ITGAL: variants seen among roughly 807,000 people sequenced by gnomAD.
ITGAL encodes integrin subunit alpha L, also known as integrin alpha-L.
A neutral mutation model predicts 138.4 loss-of-function variants in ITGAL; 68 were observed. The observed-to-expected ratio is 0.49, with a 90% CI of 0.40 to 0.60. The LOEUF is 0.60. Ranked by LOEUF, ITGAL falls within the 20% of genes least tolerant of loss-of-function variation. ITGAL has a pLI of 0.00. For synonymous variants in ITGAL, 561 were observed against 584.3 expected (o/e 0.96, Z 0.57); for missense variants, 1,256 against 1,478.6 (o/e 0.85, Z 2.47).
chr16:30,494,846 G>T lies in ITGAL; in HGVS notation c.1499G>T (p.Arg500Ile). 2 of 1,595,510 alleles carry T rather than the reference G, an allele frequency of 1.3e-6. No individual in the cohort carries two copies. Among genetic ancestry groups the T allele is most frequent in the African/African-American group, 1.3e-5 (1 of 74,654 alleles). The change falls in exon 13 of 31, where the codon AGA becomes ATA. Residue 500 changes from arginine (R) to isoleucine (I), a missense_variant. Transcript: ENST00000356798. This position sits in a 1 kb window ranked among gnomAD's most constrained non-coding sequence, Gnocchi z 4.2. ...GGCCGGGTGTTTATCTACCAGAGAA[G>T]ACAGGTGGGGCCAGGATCTGGAGCT... ...RGGRVFIYQR[R>I]QLGFEEVSEL...
chr16:30,518,016 C>G, intron 28 of ITGAL, 121 bp downstream of exon 28: 1 of 747,630 alleles, frequency 1.3e-6, no homozygotes, highest in Non-Finnish European at 2.4e-6. Flanking sequence ...GATGAAAAAT[C>G]CCATTTACAC....
rs2050777928 is a variant in ITGAL, at chr16:30,494,861, G to GTC, written c.1503+11_1503+12insTC. The GTC allele has an allele frequency of 6.3e-7, 1 of 1,579,618 alleles. No homozygotes were observed. Among genetic ancestry groups the GTC allele is most frequent in the Non-Finnish European group, 8.6e-7 (1 of 1,157,380 alleles). On this transcript the variant is annotated intron_variant, in intron 13 of 30. Transcript: ENST00000356798. This position sits in a 1 kb window ranked among gnomAD's most constrained non-coding sequence, Gnocchi z 4.2. ...TACCAGAGAAGACAGGTGGGGCCAG[G>GTC]ATCTGGAGCTGAGAGGGAGGAGGGA...
At chr16:30,478,626 A>G (rs1173221422) in intron 4 of ITGAL, among the ~76,000 whole-genome samples, 3 of 142,160 alleles carry the variant, frequency 2.1e-5, no homozygotes, top group African/African-American at 7.9e-5. Flanking sequence ...TGAACCCGGG[A>G]GGCGAAGCTT....
At chr16:30,481,139 TAA>T (rs1254150241) in intron 6 of ITGAL, 18 of 223,926 alleles carry the variant, frequency 8.0e-5, no homozygotes, top group Non-Finnish European at 1.1e-4. Context: ...CCGTCTCTAC[TAA>T]AAACACACAC....
At chr16:30,483,730 C>T (rs891908802) in intron 7 of ITGAL, 97 bp from the exon 8 acceptor site, 15 of 1,354,934 alleles carry the variant, frequency 1.1e-5, no homozygotes, top group African/African-American at 7.3e-5. Context: ...AGGGCTTTTG[C>T]GTAACCAGCA....
intron 9 of ITGAL, chr16:30,488,823 GC>G (rs1371343840): frequency 6.3e-6 from 3 of 472,970 alleles, no homozygotes; most frequent in African/African-American, 5.9e-5. Flanking sequence ...GCTGCAGTGA[GC>G]TGTGATTGCG....
chr16:30,517,721 C>A lies in ITGAL; in HGVS notation c.3033+16C>A, dbSNP rs200568405. The A allele has an allele frequency of 1.2e-6, 2 of 1,613,610 alleles. No individual in the cohort carries two copies. The highest frequency in any genetic ancestry group is 1.7e-6 in the Non-Finnish European group (2 of 1,179,606). On this transcript the variant is annotated intron_variant, in intron 27 of 30. Coordinates refer to ENST00000356798, the MANE Select transcript of ITGAL (RefSeq NM_002209.3). ...TGCAGCTGAGGTATGGGCGTGTGAG[C>A]TGAGAGACGGTGGGGCTGGGCGGTA...
At chr16:30,520,806 C>T (rs1358296908) in intron 30 of ITGAL, among the ~76,000 whole-genome samples, 1 of 152,174 alleles carries the variant, frequency 6.6e-6, no homozygotes, top group Non-Finnish European at 1.5e-5. Context: ...AGATGAAGGC[C>T]GGGTACGGTG....
chr16:30,502,125 C>A (rs142093199), intron 17 of ITGAL, among the ~76,000 whole-genome samples: 1 of 152,138 alleles, frequency 6.6e-6, no homozygotes, highest in African/African-American at 2.4e-5. Context: ...TGGCCGGGCG[C>A]GGTGGCTCAC....
chr16:30,513,947 C>A, intron 25 of ITGAL, 101 bp downstream of exon 25: 2 of 861,160 alleles, frequency 2.3e-6, no homozygotes, highest in Non-Finnish European at 1.9e-6. Flanking sequence ...CTCATCCTAG[C>A]CATCCAACTG....
At position 30,494,191 on chromosome 16, in the gene ITGAL, C is replaced by T. The variant is rs1978079; in HGVS notation, c.1214-21C>T. The T allele has an allele frequency of 0.31, 481,953 of 1,564,014 alleles. 82,603 individuals are homozygous for T. The highest frequency in any genetic ancestry group is 0.62 in the South Asian group (52,997 of 85,954). ...CCAGCATCCTGTGTTCCTAACTCCA[C>T]ACCCCACACACTTTCCTCAGGTTAC... On this transcript the variant is annotated intron_variant, in intron 11 of 30. Coordinates refer to ENST00000356798, the MANE Select transcript of ITGAL (RefSeq NM_002209.3). This position sits in a 1 kb window ranked among gnomAD's most constrained non-coding sequence, Gnocchi z 4.2.
At chr16:30,505,127 G>A in intron 18 of ITGAL, 117 bp from the exon 19 acceptor site, 2 of 1,022,966 alleles carry the variant, frequency 2.0e-6, no homozygotes, top group Non-Finnish European at 2.7e-6. Flanking sequence ...TCCTGGGCAG[G>A]GCCAACCACA....
chr16:30,499,715 A>ATATATATGTGTATATATATATATGTGTG lies in ITGAL; in HGVS notation c.2145+233_2145+234insGTGTATATATATATATGTGTGTATATAT, dbSNP rs1486364935. Among the ~76,000 whole-genome samples the ATATATATGTGTATATATATATATGTGTG allele has an allele frequency of 0.023, 2,391 of 103,126 alleles. 367 individuals carry two copies. In the East Asian group the frequency reaches 0.43, roughly 19 times the overall value. The allele number at this position is 103,126 out of a possible 152,430, so 67.7% of individuals were successfully genotyped here. On this transcript the variant is annotated intron_variant, in intron 17 of 30. Transcript: ENST00000356798. The stretch of plus-strand genomic sequence containing the variant: ...TATATATGTGTATATATATATATGT[A>ATATATATGTGTATATATATATATGTGTG]TATATATATATATATATATTTTTTT...
chr16:30,518,464 A>G (rs965102422), intron 28 of ITGAL, among the ~76,000 whole-genome samples, 160 bp from the exon 29 acceptor site: 3 of 151,310 alleles, frequency 2.0e-5, no homozygotes, highest in Non-Finnish European at 4.4e-5. Context: ...AAAAAAAAAA[A>G]TAGAAAGAAA....
At chr16:30,519,831 C>G (rs73534270) in intron 29 of ITGAL, 26 bp from the exon 30 acceptor site, 1 of 1,520,816 alleles carries the variant, frequency 6.6e-7, no homozygotes, top group African/African-American at 1.4e-5. Context: ...AGGCATTTTC[C>G]GGCACTCCCC....
intron 24 of ITGAL, among the ~76,000 whole-genome samples, chr16:30,512,305 G>A (rs1181478025): frequency 1.3e-5 from 2 of 152,052 alleles, no homozygotes; most frequent in Non-Finnish European, 2.9e-5. Flanking sequence ...AAGGAAACTT[G>A]GCCAGGTGTG....
Position 30,508,586 on chromosome 16 carries a change from C to T in ITGAL, c.2508+1730C>T, listed in dbSNP as rs556011481. On this transcript the variant is annotated intron_variant, in intron 21 of 30. Transcript: ENST00000356798. ...GGTGCGCACCTGCAATTCCAGCTAC[C>T]TTGGGGGCTGAGGTGGAGAAGTGCT... is the stretch of plus-strand genomic sequence containing the variant. Among the ~76,000 whole-genome samples the T allele has an allele frequency of 3.3e-5, 5 of 152,262 alleles. No homozygotes were observed. In the East Asian group the frequency reaches 9.7e-4, roughly 29 times the overall value.
intron 17 of ITGAL, among the ~76,000 whole-genome samples, chr16:30,503,066 C>G (rs984426431): frequency 2.0e-5 from 3 of 152,162 alleles, no homozygotes; most frequent in Admixed American, 2.0e-4. Flanking sequence ...CCACCCACCT[C>G]GGCATCCCAA....
intron 25 of ITGAL, 71 bp downstream of exon 25, chr16:30,513,917 G>C (rs2051128425): frequency 8.6e-7 from 1 of 1,158,456 alleles, no homozygotes; most frequent in African/African-American, 1.5e-5. Flanking sequence ...TGAGGATGCA[G>C]GCACCAAGTA....
Sources: gnomAD v4.1 joint callset for allele counts (sites outside exome capture counted in the v4.1 genomes callset) on GRCh38, gnomAD v4.1.1 for gene constraint, Gnocchi (gnomAD v3.1) non-coding constraint, MANE v1.5 for transcripts, NCBI Gene and HGNC (gene_info 2026-07-23, HGNC 2026-07-21) for gene names.